Variants in PTPRM observed in about 807,000 individuals in gnomAD.
PTPRM encodes the protein receptor-type tyrosine-protein phosphatase mu.
PTPRM carries 47 observed loss-of-function variants against 186.7 expected under a neutral mutation model. That is an observed-to-expected ratio of 0.25 (90% CI 0.20 to 0.32). PTPRM has a LOEUF of 0.32. Ranked by LOEUF, PTPRM falls within the 10% of genes least tolerant of loss-of-function variation. PTPRM has a pLI of 1.00. For missense variants in PTPRM, 1,494 were observed against 1,865.0 expected, an observed-to-expected ratio of 0.80 and a Z score of 3.66; for synonymous variants, 668 against 674.9, an observed-to-expected ratio of 0.99 and a Z score of 0.16.
chr18:8,379,427 C>G (rs553545245), intron 28 of PTPRM, 87 bp downstream of exon 28: 16 of 1,314,226 alleles, frequency 1.2e-5, no homozygotes, highest in Non-Finnish European at 1.6e-5. Flanking sequence ...ATTCTGCTCA[C>G]CAGCCCTTTT....
At chr18:7,842,873 T>C (rs2046400785) in intron 2 of PTPRM, among the ~76,000 whole-genome samples, 1 of 103,080 alleles carries the variant, frequency 9.7e-6, no homozygotes, top group Admixed American at 1.2e-4. Context: ...TATATATATA[T>C]ATGTTTCTCG....
intron 20 of PTPRM, among the ~76,000 whole-genome samples, chr18:8,299,126 A>G (rs1474185866): frequency 6.6e-6 from 1 of 151,902 alleles, no homozygotes; most frequent in Non-Finnish European, 1.5e-5. Context: ...ACCTCCAGAG[A>G]TCCTGCCCAT....
intron 1 of PTPRM, among the ~76,000 whole-genome samples, chr18:7,675,886 C>T (rs1340229564): frequency 1.3e-5 from 2 of 152,066 alleles, no homozygotes; most frequent in Admixed American, 1.3e-4. Context: ...AGGTGCCTGC[C>T]ACCACACTTA....
chr18:8,247,796 AGT>A (rs1568598021), intron 15 of PTPRM, 47 bp from the exon 16 acceptor site: 1 of 1,374,324 alleles, frequency 7.3e-7, no homozygotes, highest in Admixed American at 1.7e-5. Context: ...GTGTGTTCAG[AGT>A]GTATTACCTC....
intron 14 of PTPRM, among the ~76,000 whole-genome samples, chr18:8,208,735 C>T (rs2093962953): frequency 1.3e-5 from 2 of 152,336 alleles, no homozygotes; most frequent in Admixed American, 1.3e-4. Context: ...TGGTCTAGAA[C>T]TCCTGGCCAC....
At chr18:8,123,164 C>A (rs751812623) in intron 13 of PTPRM, among the ~76,000 whole-genome samples, 2 of 152,174 alleles carry the variant, frequency 1.3e-5, no homozygotes, top group Non-Finnish European at 2.9e-5. Context: ...TCAGCAAAGG[C>A]AAGTCATTGT....
intron 7 of PTPRM, among the ~76,000 whole-genome samples, chr18:8,056,453 T>G (rs1490020758): frequency 6.6e-6 from 1 of 151,964 alleles, no homozygotes; most frequent in Non-Finnish European, 1.5e-5. Context: ...ATGGTGAAAC[T>G]CCGACTCTAA....
chr18:8,091,708 A>G (rs2090741567), intron 11 of PTPRM, among the ~76,000 whole-genome samples: 1 of 151,956 alleles, frequency 6.6e-6, no homozygotes, highest in South Asian at 2.1e-4. Flanking sequence ...GAGAAAGACT[A>G]GGTTGGGGAA....
intron 1 of PTPRM, among the ~76,000 whole-genome samples, chr18:7,652,208 A>G (rs1172674041): frequency 6.6e-6 from 1 of 152,246 alleles, no homozygotes; most frequent in Non-Finnish European, 1.5e-5. Context: ...ATGAGATATC[A>G]TCTAACACCA....
intron 14 of PTPRM, among the ~76,000 whole-genome samples, chr18:8,194,582 C>G (rs1292629713): frequency 6.6e-6 from 1 of 152,136 alleles, no homozygotes; most frequent in Non-Finnish European, 1.5e-5. Context: ...GCTGTGCGTG[C>G]TCATTCATTA....
intron 20 of PTPRM, among the ~76,000 whole-genome samples, chr18:8,313,386 A>T (rs1174052376): frequency 1.3e-5 from 2 of 150,774 alleles, no homozygotes. Flanking sequence ...TAAAAGGAAC[A>T]GTTATTTAGG....
chr18:8,150,670 A>G (rs2092985826), intron 14 of PTPRM, among the ~76,000 whole-genome samples: 1 of 152,066 alleles, frequency 6.6e-6, no homozygotes. Context: ...CTCATTCTCC[A>G]ATCAATTTTG....
In PTPRM at chr18:7,772,347, TTC is replaced by T. The variant is rs776949907; in HGVS notation, c.74-1798_74-1797del. ...TTCGTTCTTTCTTTTCTTTCTTTCT[TTC>T]TCTTTCTTTCTTTCTTTCTTTCTTT... On this transcript the variant is annotated intron_variant, in intron 1 of 32. Transcript: ENST00000580170. Among the ~76,000 whole-genome samples the T allele has an allele frequency of 4.5e-3, 526 of 115,708 alleles. 4 individuals carry two copies. Among genetic ancestry groups the T allele is most frequent in the Non-Finnish European group, 6.7e-3 (357 of 53,302 alleles). 75.9% of individuals were successfully genotyped at this position (115,708 alleles called of 152,430 possible).
intron 11 of PTPRM, among the ~76,000 whole-genome samples, chr18:8,103,905 T>C (rs1490966822): frequency 3.9e-5 from 6 of 152,200 alleles, no homozygotes; most frequent in Non-Finnish European, 7.3e-5. Flanking sequence ...CTTGAATACT[T>C]AAAGGCCATT....
At chr18:7,714,546 G>A (rs2040282331) in intron 1 of PTPRM, among the ~76,000 whole-genome samples, 1 of 151,694 alleles carries the variant, frequency 6.6e-6, no homozygotes, top group Non-Finnish European at 1.5e-5. Context: ...ACAGAGACAC[G>A]AAAAACCCTC....
rs564752618 is a variant in PTPRM at position 8,140,515 on chromosome 18, G to A, written c.2168-3132G>A. 2.7e-5 allele frequency among the ~76,000 whole-genome samples: 4 copies of A among 150,476 alleles called. No homozygotes were observed. The East Asian group carries it at 7.8e-4, about 29-fold the overall frequency. On this transcript the variant is annotated intron_variant, in intron 13 of 32. Coordinates refer to ENST00000580170, the MANE Select transcript of PTPRM (RefSeq NM_001105244.2). Reference sequence around the variant, plus strand: ...CTGAAATCTTAATGCAATTTGACTGGAATACCACTCTTTTTTATTTTCTTG... The same window carrying A: ...CTGAAATCTTAATGCAATTTGACTGAAATACCACTCTTTTTTATTTTCTTG...
chr18:7,625,216 T>C (rs1236045224), intron 1 of PTPRM, among the ~76,000 whole-genome samples: 1 of 152,232 alleles, frequency 6.6e-6, no homozygotes, highest in Admixed American at 6.5e-5. Flanking sequence ...CGAATCTGTT[T>C]CCTTTGTTTC....
rs11873344 is a variant in PTPRM, at chr18:7,893,188, A to G, written c.468+4811A>G. Among the ~76,000 whole-genome samples, 1,164 of 152,216 alleles carry G rather than the reference A, an allele frequency of 7.6e-3. 16 individuals are homozygous for G. The highest frequency in any genetic ancestry group is 0.026 in the African/African-American group (1,093 of 41,550). Reference sequence around the variant, plus strand: ...TTGTGCTTTCCTTTTTTTTCTTTGCATAAACAATAATAATGCAATCCAGGT... The same window carrying G: ...TTGTGCTTTCCTTTTTTTTCTTTGCGTAAACAATAATAATGCAATCCAGGT... On this transcript the variant is annotated intron_variant, in intron 3 of 32. Coordinates refer to ENST00000580170, the MANE Select transcript of PTPRM (RefSeq NM_001105244.2).
intron 19 of PTPRM, among the ~76,000 whole-genome samples, chr18:8,258,524 C>T (rs1426372391): frequency 6.6e-6 from 1 of 152,042 alleles, no homozygotes; most frequent in Admixed American, 6.5e-5. Flanking sequence ...TGAGTTCCTC[C>T]CCTTTTGCAG....
Sources: gnomAD v4.1 joint callset for allele counts (sites outside exome capture counted in the v4.1 genomes callset) on GRCh38, gnomAD v4.1.1 for gene constraint, MANE v1.5 for transcripts, NCBI Gene and HGNC (gene_info 2026-07-23, HGNC 2026-07-21) for gene names.